Variants in ABCA10 observed in about 807,000 individuals in gnomAD.
ABCA10 encodes the protein ATP binding cassette subfamily A member 10, also known as ATP-binding cassette sub-family A member 10.
In ABCA10, 169 loss-of-function variants were observed where a neutral mutation model predicts 187.5. That is an observed-to-expected ratio of 0.90 (90% confidence interval 0.80 to 1.02). The LOEUF is 1.02. Ranked by LOEUF, ABCA10 falls within the 50% of genes least tolerant of loss-of-function variation. ABCA10 has a pLI of 0.00. For synonymous variants in ABCA10, 574 were observed against 601.8 expected, an observed-to-expected ratio of 0.95 and a Z score of 0.68; for missense variants, 1,727 against 1,812.4, an observed-to-expected ratio of 0.95 and a Z score of 0.86.
chr17:69,219,764 G>C lies in ABCA10; in HGVS notation c.311C>G (p.Thr104Arg). The C allele has an allele frequency of 6.4e-7, 1 of 1,572,140 alleles. No individual in the cohort carries two copies. Among genetic ancestry groups the C allele is most frequent in the Non-Finnish European group, 8.6e-7 (1 of 1,159,326 alleles). The change falls in exon 6 of 39, where the codon ACA becomes AGA. Residue 104 changes from threonine (T) to arginine (R), a missense_variant. Transcript: ENST00000690296. Reference protein sequence around the residue: ...AINAAIIEVTTNHSVMEELTS... With the variant: ...AINAAIIEVTRNHSVMEELTS... Reference sequence around the variant, plus strand: ...CAACTCCTCCATTACAGAATGATTTGTTGTGACCTAAATTGGGACATTAGC... The same window carrying C: ...CAACTCCTCCATTACAGAATGATTTCTTGTGACCTAAATTGGGACATTAGC...
In ABCA10 at chr17:69,195,826, A is replaced by G. The variant is rs548800144; in HGVS notation, c.1234+1238T>C. On this transcript the variant is annotated intron_variant, in intron 11 of 38. Coordinates refer to ENST00000690296, the MANE Select transcript of ABCA10 (RefSeq NM_001377321.1). ...GCACATCTTGCACCGCCCTTAATCCATTTAACCCTGAGTGGACACAGCACA... is the reference window on the plus strand; with the variant it reads ...GCACATCTTGCACCGCCCTTAATCCGTTTAACCCTGAGTGGACACAGCACA... 6.6e-5 allele frequency among the ~76,000 whole-genome samples: 10 copies of G among 152,026 alleles called. No homozygotes were observed. The South Asian group carries it at 1.9e-3, about 28-fold the overall frequency.
upstream of ABCA10, among the ~76,000 whole-genome samples, chr17:69,229,402 A>C (rs774706277): frequency 5.3e-5 from 8 of 152,102 alleles, no homozygotes; most frequent in Non-Finnish European, 8.8e-5. Flanking sequence ...CCATTTAAAA[A>C]GTGTAGTGGT....
chr17:69,170,196 G>A (rs1321862831), intron 25 of ABCA10, among the ~76,000 whole-genome samples: 5 of 151,350 alleles, frequency 3.3e-5, no homozygotes, highest in South Asian at 4.2e-4. Flanking sequence ...GCTGAGGCAG[G>A]AGAATCACTT....
At chr17:69,216,917 A>T (rs116646715) in intron 6 of ABCA10, among the ~76,000 whole-genome samples, 2,676 of 152,260 alleles carry the variant, frequency 0.018, 72 homozygotes, top group African/African-American at 0.061. Flanking sequence ...AGAATACCAT[A>T]GTGCTATTAA....
At chr17:69,150,114 G>A (rs541138098) in intron 36 of ABCA10, 51 bp from the exon 37 acceptor site, 61 of 1,377,534 alleles carry the variant, frequency 4.4e-5, no homozygotes, top group South Asian at 6.3e-5. Context: ...GTGATAATAC[G>A]GGGGAGGAAT....
rs1043275077 is a variant in ABCA10 at position 69,196,917 on chromosome 17, G to T, written c.1234+147C>A. 7.9e-5 allele frequency: 47 copies of T among 597,992 alleles called. No homozygotes were observed. The East Asian group carries it at 1.3e-3, about 16-fold the overall frequency. 37.0% of individuals were successfully genotyped at this position (597,992 alleles called of 1,614,324 possible). ...AATCCCAGGCACTCGGCAGGCACTC[G>T]GCAGGAGAATCAGGCAGGGAGGTTG... On this transcript the variant is annotated intron_variant, in intron 11 of 38. Transcript: ENST00000690296.
intron 27 of ABCA10, among the ~76,000 whole-genome samples, chr17:69,158,787 A>G (rs939518699): frequency 6.6e-6 from 1 of 152,076 alleles, no homozygotes; most frequent in Non-Finnish European, 1.5e-5. Flanking sequence ...TGATCAAAAT[A>G]TATAAAGCTA....
chr17:69,187,567 T>G (rs1040774016), intron 19 of ABCA10, 114 bp downstream of exon 19: 6 of 1,154,052 alleles, frequency 5.2e-6, no homozygotes, highest in Non-Finnish European at 3.5e-6. Context: ...GCAGGATAGG[T>G]AAACATACAA....
chr17:69,211,329 A>G (rs78588249), intron 9 of ABCA10, among the ~76,000 whole-genome samples: 72,494 of 126,940 alleles, frequency 0.57, 20,428 homozygotes, highest in African/African-American at 0.59. Context: ...ATATATATAT[A>G]TATATATATA....
intron 25 of ABCA10, among the ~76,000 whole-genome samples, chr17:69,168,354 C>T (rs2057028538): frequency 6.6e-6 from 1 of 152,094 alleles, no homozygotes; most frequent in South Asian, 2.1e-4. Context: ...AGGAATCATT[C>T]TCTTTTATAT....
intron 22 of ABCA10, among the ~76,000 whole-genome samples, chr17:69,177,633 G>C (rs1442822304): frequency 6.6e-6 from 1 of 151,926 alleles, no homozygotes; most frequent in Non-Finnish European, 1.5e-5. Context: ...ATCAACTTCA[G>C]AGGCATTAGT....
chr17:69,198,470 T>A (rs2144813220), intron 10 of ABCA10, among the ~76,000 whole-genome samples: 1 of 152,324 alleles, frequency 6.6e-6, no homozygotes, highest in East Asian at 1.9e-4. Flanking sequence ...ATACGCAGGC[T>A]CGAGGTTTGC....
chr17:69,190,486 C>T lies in ABCA10; in HGVS notation c.2012-9G>A, dbSNP rs772439159. The T allele has an allele frequency of 1.9e-6, 3 of 1,555,798 alleles. No individual in the cohort carries two copies. The African/African-American group carries it at 4.2e-5, about 22-fold the overall frequency. The stretch of plus-strand genomic sequence containing the variant: ...AAGGTCACTGTAAAGATCTAAAAAG[C>T]CAATAGTAATAAGTCAACGCAATTA... On this transcript the variant is annotated splice_polypyrimidine_tract_variant and intron_variant, in intron 17 of 38. Transcript: ENST00000690296.
At chr17:69,209,654 T>C (rs1482704836) in intron 9 of ABCA10, among the ~76,000 whole-genome samples, 4 of 152,184 alleles carry the variant, frequency 2.6e-5, no homozygotes, top group Admixed American at 6.5e-5. Context: ...GAGGAAAACA[T>C]AGATTTTTTA....
intron 26 of ABCA10, among the ~76,000 whole-genome samples, chr17:69,164,426 G>A (rs2074240907): frequency 6.6e-6 from 1 of 152,076 alleles, no homozygotes; most frequent in Admixed American, 6.5e-5. Flanking sequence ...ACAGAACTAT[G>A]AAGTAGGCAA....
chr17:69,211,049 C>G (rs1318011657), intron 9 of ABCA10, among the ~76,000 whole-genome samples: 1 of 150,372 alleles, frequency 6.7e-6, no homozygotes, highest in East Asian at 2.0e-4. Flanking sequence ...ACTTGTACAA[C>G]CACTATGGAA....
intron 18 of ABCA10, 54 bp downstream of exon 18, chr17:69,190,304 C>CT: frequency 6.7e-7 from 1 of 1,489,182 alleles, no homozygotes; most frequent in Non-Finnish European, 8.9e-7. Context: ...AGAACATCAT[C>CT]TTTTTCTCTT....
At chr17:69,163,703 A>G (rs376663130) in intron 27 of ABCA10, among the ~76,000 whole-genome samples, 11 of 152,168 alleles carry the variant, frequency 7.2e-5, no homozygotes, top group Admixed American at 2.0e-4. Flanking sequence ...TCCCCACTAT[A>G]AAATTTCATT....
At chr17:69,193,735 G>A in intron 13 of ABCA10, 79 bp downstream of exon 13, 1 of 1,562,870 alleles carries the variant, frequency 6.4e-7, no homozygotes, top group South Asian at 1.2e-5. Flanking sequence ...TCAAAGAGTA[G>A]AGTAATAGCT....
Sources: gnomAD v4.1 joint callset for allele counts (sites outside exome capture counted in the v4.1 genomes callset) on GRCh38, gnomAD v4.1.1 for gene constraint, MANE v1.5 for transcripts, NCBI Gene and HGNC (gene_info 2026-07-23, HGNC 2026-07-21) for gene names.